Variants in RSU1 observed in about 807,000 individuals in gnomAD.
RSU1 encodes the protein Ras suppressor protein 1.
Under a neutral mutation model 31.1 loss-of-function variants are expected in RSU1, and 26 were observed. The observed-to-expected ratio is 0.84, with a 90% CI of 0.61 to 1.16. The LOEUF is 1.16. RSU1 is among the 50% of genes most tolerant of loss of function. RSU1 has a pLI of 0.00. For synonymous variants in RSU1, 164 were observed against 136.3 expected (o/e 1.20, Z -1.41); for missense variants, 320 against 339.1 (o/e 0.94, Z 0.44).
rs139336266 is a variant in RSU1 at position 16,698,358 on chromosome 10, G to A, written c.599-3203C>T. Among the ~76,000 whole-genome samples, 43 of 152,218 alleles carry A rather than the reference G, an allele frequency of 2.8e-4. 1 individual carries two copies. The highest frequency in any genetic ancestry group is 7.7e-4 in the African/African-American group (32 of 41,528). ...CTCCTTGAACTTAAGGAATAGGGAC[G>A]TATTTCTGCGGGAAAGAAGCACTCG... On this transcript the variant is annotated intron_variant, in intron 7 of 8. Transcript: ENST00000345264.
At chr10:16,744,664 C>T (rs944121206) in intron 7 of RSU1, among the ~76,000 whole-genome samples, 1 of 152,158 alleles carries the variant, frequency 6.6e-6, no homozygotes, top group Non-Finnish European at 1.5e-5. Flanking sequence ...AATGGTCCAA[C>T]CAAAAAGCCA....
chr10:16,660,829 T>C (rs1318504612), intron 8 of RSU1, among the ~76,000 whole-genome samples: 1 of 151,800 alleles, frequency 6.6e-6, no homozygotes, highest in Non-Finnish European at 1.5e-5. Context: ...GTATTTTTAG[T>C]AGAGATGGGG....
At chr10:16,654,788 G>A (rs1168567349) in intron 8 of RSU1, among the ~76,000 whole-genome samples, 1 of 152,016 alleles carries the variant, frequency 6.6e-6, no homozygotes, top group African/African-American at 2.4e-5. Context: ...GCCCAGCATA[G>A]TGGCTCATGC....
intron 7 of RSU1, among the ~76,000 whole-genome samples, chr10:16,715,204 G>C (rs1836116679): frequency 6.6e-6 from 1 of 152,200 alleles, no homozygotes; most frequent in South Asian, 2.1e-4. Context: ...TCCCCTTTTG[G>C]GGGAGGGATG....
At chr10:16,606,942 G>A (rs957784069) in intron 8 of RSU1, among the ~76,000 whole-genome samples, 2 of 152,106 alleles carry the variant, frequency 1.3e-5, no homozygotes, top group African/African-American at 4.8e-5. Flanking sequence ...CTCTGCCCAG[G>A]TGACCTGATG....
At chr10:16,653,395 G>A (rs1834720736) in intron 8 of RSU1, among the ~76,000 whole-genome samples, 2 of 152,190 alleles carry the variant, frequency 1.3e-5, no homozygotes, top group African/African-American at 4.8e-5. Context: ...ACTCTGTTGT[G>A]TGTGTGCAGA....
At chr10:16,607,183 C>T (rs1025553393) in intron 8 of RSU1, among the ~76,000 whole-genome samples, 2 of 152,176 alleles carry the variant, frequency 1.3e-5, no homozygotes, top group African/African-American at 4.8e-5. Flanking sequence ...TGTGCTCTTT[C>T]GTTCTGGCTC....
intron 2 of RSU1, among the ~76,000 whole-genome samples, chr10:16,784,655 T>C (rs769976344): frequency 3.9e-5 from 6 of 152,194 alleles, no homozygotes; most frequent in Non-Finnish European, 8.8e-5. Flanking sequence ...CTCACAATCA[T>C]GGCAGAAGGC....
In RSU1 at chr10:16,817,358, T is replaced by C; in HGVS notation, c.-47A>G. 4.8e-6 allele frequency: 2 copies of C among 413,866 alleles called. No individual in the cohort carries two copies. The highest frequency in any genetic ancestry group is 2.9e-5 in the South Asian group (1 of 34,574). 25.6% of individuals were successfully genotyped at this position (413,866 alleles called of 1,614,324 possible). A position where few individuals can be genotyped will look rare whatever the true frequency, so the allele number is the denominator to read the frequency against. Reference sequence around the variant, plus strand: ...AGACGATGGGCGTGCAACCACAAGCTTCGGCAGAACGCACTCCAGCTGCCC... The same window carrying C: ...AGACGATGGGCGTGCAACCACAAGCCTCGGCAGAACGCACTCCAGCTGCCC... On this transcript the variant is annotated 5_prime_UTR_variant, in exon 1 of 9. Transcript: ENST00000345264.
At chr10:16,720,426 A>T (rs1029778493) in intron 7 of RSU1, among the ~76,000 whole-genome samples, 2 of 152,246 alleles carry the variant, frequency 1.3e-5, no homozygotes, top group African/African-American at 4.8e-5. Flanking sequence ...ATCATGACAG[A>T]TAGTGGCAGA....
intron 8 of RSU1, among the ~76,000 whole-genome samples, chr10:16,693,487 A>G (rs974468810): frequency 2.6e-5 from 4 of 152,106 alleles, no homozygotes; most frequent in East Asian, 1.9e-4. Flanking sequence ...CAAAAAAAAA[A>G]AAAAGAAAAG....
At chr10:16,693,828 C>T (rs1835617003) in intron 8 of RSU1, among the ~76,000 whole-genome samples, 1 of 152,028 alleles carries the variant, frequency 6.6e-6, no homozygotes, top group Non-Finnish European at 1.5e-5. Flanking sequence ...TGCCACTGCA[C>T]TCCAGCCCAG....
At chr10:16,803,736 G>T (rs1739657080) in intron 2 of RSU1, among the ~76,000 whole-genome samples, 1 of 152,168 alleles carries the variant, frequency 6.6e-6, no homozygotes, top group African/African-American at 2.4e-5. Context: ...GAGAAAAGGA[G>T]TCTTTTCAAC....
At chr10:16,712,610 C>T (rs1836043789) in intron 7 of RSU1, among the ~76,000 whole-genome samples, 2 of 152,072 alleles carry the variant, frequency 1.3e-5, no homozygotes, top group African/African-American at 4.8e-5. Context: ...CTAGACTTAA[C>T]CCCATACACA....
chr10:16,706,342 T>C (rs560340070), intron 7 of RSU1, among the ~76,000 whole-genome samples: 2 of 152,326 alleles, frequency 1.3e-5, no homozygotes, highest in South Asian at 4.1e-4. Flanking sequence ...TGCACTTCCG[T>C]AATGACTAGA....
intron 2 of RSU1, among the ~76,000 whole-genome samples, chr10:16,793,637 T>C (rs1333238749): frequency 2.6e-5 from 4 of 152,234 alleles, no homozygotes; most frequent in East Asian, 1.9e-4. Flanking sequence ...GTAAGCCACC[T>C]AAGATATGCA....
At chr10:16,622,400 C>T (rs373865609) in intron 8 of RSU1, among the ~76,000 whole-genome samples, 3 of 152,108 alleles carry the variant, frequency 2.0e-5, no homozygotes, top group Non-Finnish European at 4.4e-5. Context: ...ATTAGGGAAG[C>T]GTTCTAAAGA....
At chr10:16,736,792 AAAG>A (rs1836637057) in intron 7 of RSU1, among the ~76,000 whole-genome samples, 1 of 152,180 alleles carries the variant, frequency 6.6e-6, no homozygotes, top group South Asian at 2.1e-4. Flanking sequence ...GCAAAGATTT[AAAG>A]AAAAACATGA....
intron 2 of RSU1, among the ~76,000 whole-genome samples, chr10:16,782,338 T>C (rs954957280): frequency 2.6e-5 from 4 of 152,222 alleles, no homozygotes; most frequent in Admixed American, 2.0e-4. Flanking sequence ...GAATCCAACA[T>C]GACGAGGGCC....
Sources: gnomAD v4.1 joint callset for allele counts (sites outside exome capture counted in the v4.1 genomes callset) on GRCh38, gnomAD v4.1.1 for gene constraint, MANE v1.5 for transcripts, NCBI Gene and HGNC (gene_info 2026-07-23, HGNC 2026-07-21) for gene names.